Variants in SLMAP observed in about 807,000 individuals in gnomAD.
The protein encoded by SLMAP is sarcolemmal membrane-associated protein.
Under a neutral mutation model 128.8 loss-of-function variants are expected in SLMAP, and 44 were observed. The observed-to-expected ratio is 0.34, with a 90% CI of 0.27 to 0.44. The LOEUF is 0.44. SLMAP is among the 20% of genes least tolerant of loss of function. The pLI is 1.00. For missense variants in SLMAP, 787 were observed against 985.3 expected (o/e 0.80, Z 2.69); for synonymous variants, 327 against 348.8 (o/e 0.94, Z 0.70).
rs1027225709 is a variant in SLMAP at position 57,913,139 on chromosome 3, T to C, written c.2021-19T>C. ...AGTTATATTTCTGTATTAACAAATATGTTTTGGGACTATTTTAGGTGAACT... is the reference window on the plus strand; with the variant it reads ...AGTTATATTTCTGTATTAACAAATACGTTTTGGGACTATTTTAGGTGAACT... On this transcript the variant is annotated intron_variant, in intron 20 of 24. Coordinates refer to ENST00000671191, the MANE Select transcript of SLMAP (RefSeq NM_001377540.1). 9 of 1,082,164 alleles carry C rather than the reference T, an allele frequency of 8.3e-6. No homozygotes were observed. In the African/African-American group the frequency reaches 9.3e-5, roughly 11 times the overall value. 67.0% of individuals were successfully genotyped at this position (1,082,164 alleles called of 1,614,324 possible).
intron 4 of SLMAP, among the ~76,000 whole-genome samples, chr3:57,846,814 C>A (rs941401590): frequency 6.6e-6 from 1 of 152,098 alleles, no homozygotes; most frequent in Non-Finnish European, 1.5e-5. Context: ...CCGCCTCAGC[C>A]TCCCAAAGTG....
At chr3:57,898,183 G>A (rs1299143696) in intron 17 of SLMAP, 1 of 152,140 alleles carries the variant, frequency 6.6e-6, no homozygotes, top group Non-Finnish European at 1.5e-5. Flanking sequence ...GTGATCTTTG[G>A]TGTTGATAAG....
intron 2 of SLMAP, among the ~76,000 whole-genome samples, chr3:57,775,508 A>G (rs2081686275): frequency 1.7e-5 from 2 of 120,084 alleles, no homozygotes; most frequent in Middle Eastern, 3.8e-3. Flanking sequence ...CCCTGTTGGT[A>G]CAAAAAAAAA....
intron 15 of SLMAP, among the ~76,000 whole-genome samples, chr3:57,895,838 G>A (rs1404593180): frequency 6.6e-6 from 1 of 151,914 alleles, no homozygotes; most frequent in Non-Finnish European, 1.5e-5. Flanking sequence ...CAGCTGCTCA[G>A]GGGGCTGAGG....
intron 3 of SLMAP, among the ~76,000 whole-genome samples, chr3:57,832,927 T>C (rs1407290888): frequency 4.6e-5 from 7 of 152,340 alleles, no homozygotes; most frequent in Non-Finnish European, 5.9e-5. Context: ...ATTCAACTTA[T>C]ATATGACCAT....
chr3:57,858,966 A>C (rs1379416213), intron 8 of SLMAP, among the ~76,000 whole-genome samples: 1 of 152,110 alleles, frequency 6.6e-6, no homozygotes, highest in Non-Finnish European at 1.5e-5. Flanking sequence ...ACAACAAAAA[A>C]GTTACAAAAA....
chr3:57,757,035 C>T lies in SLMAP; in HGVS notation c.-617C>T, dbSNP rs539253865. On this transcript the variant is annotated 5_prime_UTR_variant, in exon 2 of 25. Coordinates refer to ENST00000671191, the MANE Select transcript of SLMAP (RefSeq NM_001377540.1). Reference sequence around the variant, plus strand: ...ACCGCGTCCCCCTTCCCGGGGCGGCCTCCGCTCAGCAGGGGCGATGCAGAC... The same window carrying T: ...ACCGCGTCCCCCTTCCCGGGGCGGCTTCCGCTCAGCAGGGGCGATGCAGAC... 6 of 153,358 alleles carry T rather than the reference C, an allele frequency of 3.9e-5. No individual in the cohort carries two copies. Among genetic ancestry groups the T allele is most frequent in the African/African-American group, 1.4e-4 (6 of 41,584 alleles). The allele number at this position is 153,358 out of a possible 1,614,324, so 9.5% of individuals were successfully genotyped here.
intron 2 of SLMAP, among the ~76,000 whole-genome samples, chr3:57,776,508 C>G (rs1280150801): frequency 8.2e-6 from 1 of 121,304 alleles, no homozygotes; most frequent in African/African-American, 3.5e-5. Context: ...TTTGTCCCTT[C>G]TCTCTCTCTC....
Position 57,757,820 on chromosome 3 carries a change from C to G in SLMAP, c.169C>G (p.Leu57Val), listed in dbSNP as rs1236948485. 6.2e-7 allele frequency: 1 copy of G among 1,614,214 alleles called. No homozygotes were observed. Among genetic ancestry groups the G allele is most frequent in the Admixed American group, 1.7e-5 (1 of 60,032 alleles). Residue 57 changes from leucine (L) to valine (V), a missense_variant, in exon 2 of 25, where the codon CTC becomes GTC. Physicochemically the swap from Leu to Val is conservative, Grantham distance 32. Around this residue, in one of 2 missense-constraint regions of SLMAP, gnomAD observed 72 missense variants for 141.8 expected, o/e 0.51. Transcript: ENST00000671191. Reference protein sequence around the residue: ...DCKVLSRNHALVWFDHKTGKF... With the variant: ...DCKVLSRNHAVVWFDHKTGKF... Reference sequence around the variant, plus strand: ...CAAAGTGCTATCAAGGAACCACGCTCTCGTCTGGTTTGATCACAAGACGGG... The same window carrying G: ...CAAAGTGCTATCAAGGAACCACGCTGTCGTCTGGTTTGATCACAAGACGGG...
At chr3:57,806,215 G>A (rs149470889) in intron 2 of SLMAP, among the ~76,000 whole-genome samples, 8 of 151,732 alleles carry the variant, frequency 5.3e-5, no homozygotes, top group Admixed American at 1.3e-4. Flanking sequence ...TTCGCCCCCT[G>A]CCCCCCAACT....
intron 2 of SLMAP, among the ~76,000 whole-genome samples, chr3:57,792,682 T>C (rs970794536): frequency 6.6e-6 from 1 of 152,160 alleles, no homozygotes; most frequent in African/African-American, 2.4e-5. Context: ...TAGAAATGTA[T>C]GGACTTATTT....
chr3:57,915,504 G>A (rs1018253321), intron 21 of SLMAP, among the ~76,000 whole-genome samples: 3 of 152,160 alleles, frequency 2.0e-5, no homozygotes, highest in Non-Finnish European at 2.9e-5. Flanking sequence ...TTCCTTTACA[G>A]GGTCTTATGT....
Position 57,928,289 on chromosome 3 carries a change from T to A in SLMAP, c.*1000T>A, listed in dbSNP as rs773847108. On this transcript the variant is annotated 3_prime_UTR_variant, in exon 25 of 25. Transcript: ENST00000671191. ...ATTTTTTTTTTCTATCATCTATTCC[T>A]CCAAGCATGTTTAATTGAAGAAAGT... 8.5e-5 allele frequency: 13 copies of A among 152,222 alleles called. No individual in the cohort carries two copies. Among genetic ancestry groups the A allele is most frequent in the Non-Finnish European group, 1.2e-4 (8 of 68,006 alleles). 9.4% of individuals were successfully genotyped at this position (152,222 alleles called of 1,614,324 possible).
In SLMAP at chr3:57,792,920, T is replaced by C. The variant is rs550006943; in HGVS notation, c.198+35071T>C. ...TGAGAGGCTAAGCGGGGTGGATTGC[T>C]TGAGCTCAGGAGTTGAGACCAGCCT... On this transcript the variant is annotated intron_variant, in intron 2 of 24. Transcript: ENST00000671191. Among the ~76,000 whole-genome samples, 14 of 152,202 alleles carry C rather than the reference T, an allele frequency of 9.2e-5. No individual in the cohort carries two copies. In the East Asian group the frequency reaches 2.5e-3, roughly 27 times the overall value.
At chr3:57,839,185 C>A (rs113351173) in intron 3 of SLMAP, among the ~76,000 whole-genome samples, 1 of 152,028 alleles carries the variant, frequency 6.6e-6, no homozygotes. Context: ...GTGATCCCCC[C>A]ACCTCAGCCT....
Position 57,912,813 on chromosome 3 carries a change from A to G in SLMAP, c.2020+112A>G, listed in dbSNP as rs371414699. 160 of 724,184 alleles carry G rather than the reference A, an allele frequency of 2.2e-4. 2 individuals carry two copies. The African/African-American group carries it at 2.5e-3, about 11-fold the overall frequency. The allele number at this position is 724,184 out of a possible 1,614,324, so 44.9% of individuals were successfully genotyped here. On this transcript the variant is annotated intron_variant, in intron 20 of 24. Transcript: ENST00000671191. Reference sequence around the variant, plus strand: ...TTTTTCTTTGTTAGCTATCAGTTGTATAAACCAATGTTTTTAAATCGGAGC... The same window carrying G: ...TTTTTCTTTGTTAGCTATCAGTTGTGTAAACCAATGTTTTTAAATCGGAGC...
At chr3:57,840,312 A>G (rs1428367857) in intron 3 of SLMAP, among the ~76,000 whole-genome samples, 1 of 152,234 alleles carries the variant, frequency 6.6e-6, no homozygotes, top group African/African-American at 2.4e-5. Flanking sequence ...GTATAACACA[A>G]TTTTACATGT....
At chr3:57,816,331 A>C (rs755088711) in intron 2 of SLMAP, among the ~76,000 whole-genome samples, 1 of 151,806 alleles carries the variant, frequency 6.6e-6, no homozygotes, top group African/African-American at 2.4e-5. Flanking sequence ...TTTAGTAGAG[A>C]TGGGGTTTCT....
At chr3:57,926,853 G>C (rs1051051851) in intron 24 of SLMAP, among the ~76,000 whole-genome samples, 1 of 152,178 alleles carries the variant, frequency 6.6e-6, no homozygotes, top group African/African-American at 2.4e-5. Flanking sequence ...TATCACCTTA[G>C]CCACTATCCC....
Sources: allele counts gnomAD v4.1 joint callset (sites outside exome capture counted in the v4.1 genomes callset), GRCh38; gene constraint gnomAD v4.1.1; regional missense constraint gnomAD v4.1.1; transcripts MANE v1.5; gene names NCBI Gene and HGNC (gene_info 2026-07-23, HGNC 2026-07-21).